Variants in TBX18 observed in about 807,000 individuals in gnomAD.
The protein encoded by TBX18 is T-box transcription factor 18.
In TBX18, 21 loss-of-function variants were observed where a neutral mutation model predicts 55.0. The ratio of observed to expected loss-of-function variants is 0.38; its 90% confidence interval spans 0.27 to 0.55. The LOEUF (loss-of-function observed/expected upper bound fraction) is 0.55, where lower values mean the gene tolerates loss of function less well. Among genes scored for constraint, TBX18 ranks in the 20% least tolerant of loss-of-function variants. The pLI, the probability that TBX18 is intolerant of heterozygous loss-of-function variation, is 0.73. For synonymous variants in TBX18, 342 were observed against 326.1 expected, an observed-to-expected ratio of 1.05 and a Z score of -0.53; for missense variants, 840 against 799.6, an observed-to-expected ratio of 1.05 and a Z score of -0.61.
rs1174863140 is a variant in TBX18 at position 84,736,318 on chromosome 6, ATAAAT to A, written c.*362_*366del. 8 of 157,976 alleles carry A rather than the reference ATAAAT, an allele frequency of 5.1e-5. No homozygotes were observed. The highest frequency in any genetic ancestry group is 9.7e-5 in the Non-Finnish European group (7 of 71,916). The allele number at this position is 157,976 out of a possible 1,614,324, so 9.8% of individuals were successfully genotyped here. A position where few individuals can be genotyped will look rare whatever the true frequency, so the allele number is the denominator to read the frequency against. On this transcript the variant is annotated 3_prime_UTR_variant, in exon 8 of 8. Coordinates refer to ENST00000369663, the MANE Select transcript of TBX18 (RefSeq NM_001080508.3). ...TGAAACCGTTTAGAGCATTTTTCTG[ATAAAT>A]TAAGTTATAAGTGTTCTTCTGGATA... is the stretch of plus-strand genomic sequence containing the variant.
chr6:84,739,401 A>G (rs1220735938), intron 6 of TBX18, among the ~76,000 whole-genome samples: 1 of 152,166 alleles, frequency 6.6e-6, no homozygotes, highest in Non-Finnish European at 1.5e-5. Context: ...AAATACATAT[A>G]TCAACCATCT....
In TBX18 at chr6:84,764,183, C is replaced by G; in HGVS notation, c.-2G>C. 2 of 1,449,026 alleles carry G rather than the reference C, an allele frequency of 1.4e-6. No homozygotes were observed. The highest frequency in any genetic ancestry group is 2.6e-5 in the East Asian group (1 of 38,438). 89.8% of individuals were successfully genotyped at this position (1,449,026 alleles called of 1,614,324 possible). On this transcript the variant is annotated 5_prime_UTR_variant, in exon 1 of 8. Transcript: ENST00000369663. The stretch of plus-strand genomic sequence containing the variant: ...CGAGCCCCTTCGCTTCTCGGCCATC[C>G]CCCCCGCCCCGCGCCCGCCCGCCCC...
chr6:84,736,979 AG>A lies in TBX18; in HGVS notation c.1529del (p.Thr510IlefsTer54). 3 of 1,611,474 alleles carry A rather than the reference AG, an allele frequency of 1.9e-6. No individual in the cohort carries two copies. Among genetic ancestry groups the A allele is most frequent in the Non-Finnish European group, 2.5e-6 (3 of 1,178,502 alleles). On this transcript the variant is annotated frameshift_variant, in exon 8 of 8. Transcript: ENST00000369663. LOFTEE classifies it high-confidence loss of function. ...MPSPSSNAFA[T>X]NQTHQGSYNT... ...TATAGGAACCCTGATGGGTCTGGTT[AG>A]TGGCGAAGGCATTGCTGGAGGGTGA...
chr6:84,760,190 A>G (rs1767609614), intron 3 of TBX18, 65 bp downstream of exon 3: 2 of 986,570 alleles, frequency 2.0e-6, no homozygotes, highest in Non-Finnish European at 2.8e-6. Context: ...CACAGATCAA[A>G]CAGGCACTAG....
At chr6:84,739,121 T>C (rs1766974128) in intron 6 of TBX18, among the ~76,000 whole-genome samples, 1 of 151,844 alleles carries the variant, frequency 6.6e-6, no homozygotes, top group South Asian at 2.1e-4. Context: ...AGGAGCACAA[T>C]CTCTACTACA....
rs987207695 is a variant in TBX18 at position 84,744,268 on chromosome 6, G to A, written c.997C>T (p.Arg333Cys). Residue 333 changes from arginine to cysteine, a missense_variant, in exon 6 of 8, where the codon CGC becomes TGC. Physicochemically the swap from Arg to Cys is radical, Grantham distance 180. Coordinates refer to ENST00000369663, the MANE Select transcript of TBX18 (RefSeq NM_001080508.3). ...GTCTTCACTAAGGCCCACCTGTTGC[G>A]CCCGGAGTCTCGGAAGCCTTTAGCA... is the stretch of plus-strand genomic sequence containing the variant. ...PFAKGFRDSG[R>C]NRMGLEALVE... is the part of the protein sequence containing the mutation. 15 of 1,611,890 alleles carry A rather than the reference G, an allele frequency of 9.3e-6. No homozygotes were observed. The highest frequency in any genetic ancestry group is 2.7e-5 in the African/African-American group (2 of 74,730).
intron 5 of TBX18, among the ~76,000 whole-genome samples, chr6:84,746,654 T>C (rs1767201399): frequency 6.8e-6 from 1 of 147,306 alleles, no homozygotes; most frequent in African/African-American, 2.5e-5. Flanking sequence ...TATAATTATG[T>C]ACTATATTAC....
Position 84,733,596 on chromosome 6 carries a change from G to A in TBX18, c.*3089C>T, listed in dbSNP as rs1167299715. On this transcript the variant is annotated 3_prime_UTR_variant, in exon 8 of 8. Coordinates refer to ENST00000369663, the MANE Select transcript of TBX18 (RefSeq NM_001080508.3). ...TTAATGCTCTGCACCAGGACTTCAT[G>A]GGACACTGCAGAGTTTAGTTAGGGA... The A allele has an allele frequency of 6.6e-6, 1 of 152,152 alleles. No individual in the cohort carries two copies. The highest frequency in any genetic ancestry group is 1.5e-5 in the Non-Finnish European group (1 of 68,028). 9.4% of individuals were successfully genotyped at this position (152,152 alleles called of 1,614,324 possible).
At chr6:84,758,162 C>G (rs1004519247) in intron 3 of TBX18, among the ~76,000 whole-genome samples, 2 of 152,072 alleles carry the variant, frequency 1.3e-5, no homozygotes, top group African/African-American at 4.8e-5. Flanking sequence ...AATCCCAACA[C>G]TTTGGGAGGC....
At chr6:84,763,792 T>C in intron 1 of TBX18, 98 bp downstream of exon 1, 1 of 1,423,192 alleles carries the variant, frequency 7.0e-7, no homozygotes, top group Non-Finnish European at 9.1e-7. Context: ...TGAGTGGCCT[T>C]GGCCATGTAG....
intron 4 of TBX18, among the ~76,000 whole-genome samples, chr6:84,751,888 C>T (rs567636912): frequency 2.0e-5 from 3 of 152,152 alleles, no homozygotes; most frequent in Admixed American, 6.5e-5. Flanking sequence ...AACTACCAAA[C>T]TTACAATCAT....
chr6:84,744,764 ATGT>A (rs1358360991), intron 5 of TBX18, among the ~76,000 whole-genome samples: 3 of 152,146 alleles, frequency 2.0e-5, no homozygotes, highest in African/African-American at 4.8e-5. Context: ...AGCCATTTAA[ATGT>A]TGTTAAGCTC....
At chr6:84,752,303 C>T (rs985956225) in intron 4 of TBX18, among the ~76,000 whole-genome samples, 5 of 152,182 alleles carry the variant, frequency 3.3e-5, no homozygotes, top group Non-Finnish European at 7.3e-5. Flanking sequence ...AAAACACTCC[C>T]TGCTGACTGG....
chr6:84,739,545 T>C (rs1183493603), intron 6 of TBX18, among the ~76,000 whole-genome samples: 1 of 152,118 alleles, frequency 6.6e-6, no homozygotes, highest in Non-Finnish European at 1.5e-5. Context: ...CACTCTTCCT[T>C]CAACCACCTC....
In TBX18 at chr6:84,734,943, G is replaced by T. The variant is rs901123908; in HGVS notation, c.*1742C>A. On this transcript the variant is annotated 3_prime_UTR_variant, in exon 8 of 8. Coordinates refer to ENST00000369663, the MANE Select transcript of TBX18 (RefSeq NM_001080508.3). ...TTTAAAAATTTAATACTAATTTGAT[G>T]AACTGCTAAGGAATCCAAAAGGAAA... 1 of 152,070 alleles carries T rather than the reference G, an allele frequency of 6.6e-6. No individual in the cohort carries two copies. Among genetic ancestry groups the T allele is most frequent in the Admixed American group, 6.5e-5 (1 of 15,274 alleles). The allele number at this position is 152,070 out of a possible 1,614,324, so 9.4% of individuals were successfully genotyped here.
chr6:84,748,107 G>A lies in TBX18; in HGVS notation c.772-20C>T, dbSNP rs1458598766. ...AATAATCTATATCAAAGAAGGAAAA[G>A]CTGAATTTATCAGAAGCCTCTGCCC... On this transcript the variant is annotated intron_variant, in intron 4 of 7. Coordinates refer to ENST00000369663, the MANE Select transcript of TBX18 (RefSeq NM_001080508.3). 6.3e-7 allele frequency: 1 copy of A among 1,579,808 alleles called. No individual in the cohort carries two copies. The highest frequency in any genetic ancestry group is 8.6e-7 in the Non-Finnish European group (1 of 1,156,442).
intron 1 of TBX18, 179 bp from the exon 2 acceptor site, chr6:84,762,927 G>A (rs1157480742): frequency 1.6e-6 from 1 of 636,204 alleles, no homozygotes; most frequent in Non-Finnish European, 2.7e-6. Context: ...CATTCTGCCT[G>A]TCGAAGGGGC....
chr6:84,739,575 A>G (rs981508335), intron 6 of TBX18, among the ~76,000 whole-genome samples: 1 of 152,100 alleles, frequency 6.6e-6, no homozygotes, highest in Admixed American at 6.6e-5. Context: ...TAATTTGTTG[A>G]TCTAGGTAAC....
At position 84,733,313 on chromosome 6, in the gene TBX18, G is replaced by T. The variant is rs1052903933; in HGVS notation, c.*3372C>A. The T allele has an allele frequency of 6.6e-6, 1 of 152,098 alleles. No homozygotes were observed. The highest frequency in any genetic ancestry group is 1.5e-5 in the Non-Finnish European group (1 of 68,014). The allele number at this position is 152,098 out of a possible 1,614,324, so 9.4% of individuals were successfully genotyped here. A position where few individuals can be genotyped will look rare whatever the true frequency, so the allele number is the denominator to read the frequency against. On this transcript the variant is annotated 3_prime_UTR_variant, in exon 8 of 8. Coordinates refer to ENST00000369663, the MANE Select transcript of TBX18 (RefSeq NM_001080508.3). The stretch of plus-strand genomic sequence containing the variant: ...TTAACCTTACTCTCAACTTATCTGA[G>T]CATTTCTTTTTAGAAAGGATGAACA...
Sources: gnomAD v4.1 joint callset for allele counts (sites outside exome capture counted in the v4.1 genomes callset) on GRCh38, gnomAD v4.1.1 for gene constraint, MANE v1.5 for transcripts, NCBI Gene and HGNC (gene_info 2026-07-23, HGNC 2026-07-21) for gene names.